SBF2: variants seen among roughly 807,000 people sequenced by gnomAD.
SBF2 encodes SET binding factor 2.
A neutral mutation model predicts 225.2 loss-of-function variants in SBF2; 112 were observed. The ratio of observed to expected loss-of-function variants is 0.50; its 90% CI spans 0.43 to 0.58. The LOEUF is 0.58. Ranked by LOEUF, SBF2 falls within the 20% of genes least tolerant of loss-of-function variation. The pLI, the probability that SBF2 is intolerant of heterozygous loss-of-function variation, is 0.00. For missense variants in SBF2, 1,996 were observed against 2,206.2 expected (o/e 0.90, Z 1.91); for synonymous variants, 763 against 773.3 (o/e 0.99, Z 0.22).
chr11:10,134,041 G>A (rs912600875), intron 2 of SBF2, among the ~76,000 whole-genome samples: 17 of 152,260 alleles, frequency 1.1e-4, no homozygotes, highest in East Asian at 3.9e-4. Flanking sequence ...ACCTGAGACC[G>A]GGCAATTTAC....
At chr11:10,234,445 C>T (rs1591277813) in intron 1 of SBF2, among the ~76,000 whole-genome samples, 3 of 152,028 alleles carry the variant, frequency 2.0e-5, no homozygotes, top group Non-Finnish European at 4.4e-5. Context: ...TGTTTTATAA[C>T]CATATCAATT....
chr11:10,112,045 A>T (rs373636399), intron 2 of SBF2, among the ~76,000 whole-genome samples: 1 of 152,254 alleles, frequency 6.6e-6, no homozygotes, highest in Non-Finnish European at 1.5e-5. Flanking sequence ...AGAAAGATGT[A>T]GTCTCTAATT....
intron 33 of SBF2, among the ~76,000 whole-genome samples, chr11:9,791,912 T>G (rs1453531041): frequency 1.3e-5 from 2 of 152,222 alleles, no homozygotes; most frequent in Non-Finnish European, 2.9e-5. Flanking sequence ...TGTAACATCT[T>G]GTAATTGGAA....
intron 16 of SBF2, among the ~76,000 whole-genome samples, chr11:9,922,699 T>C (rs1223798401): frequency 6.6e-6 from 1 of 152,244 alleles, no homozygotes; most frequent in African/African-American, 2.4e-5. Flanking sequence ...CATACCCTTG[T>C]AACTGAGCAC....
chr11:10,120,011 G>A (rs11042633), intron 2 of SBF2, among the ~76,000 whole-genome samples: 32,672 of 152,012 alleles, frequency 0.21, 3,940 homozygotes, highest in East Asian at 0.47. Flanking sequence ...TTAACTATGT[G>A]TACACTGTTG....
In SBF2 at chr11:10,282,272, G is replaced by C. The variant is rs1239668868; in HGVS notation, c.55+11743C>G. Among the ~76,000 whole-genome samples the C allele has an allele frequency of 2.0e-5, 3 of 152,072 alleles. No individual in the cohort carries two copies. The East Asian group carries it at 5.8e-4, about 29-fold the overall frequency. On this transcript the variant is annotated intron_variant, in intron 1 of 39. Transcript: ENST00000256190. Reference sequence around the variant, plus strand: ...ACTACTCCTATTTAGTTTCCAGGCTGCCACTGCTTTATCTACCTTTTGAAT... The same window carrying C: ...ACTACTCCTATTTAGTTTCCAGGCTCCCACTGCTTTATCTACCTTTTGAAT...
At chr11:10,183,453 A>T (rs1188581443) in intron 2 of SBF2, among the ~76,000 whole-genome samples, 1 of 152,242 alleles carries the variant, frequency 6.6e-6, no homozygotes, top group Admixed American at 6.5e-5. Context: ...GAGAAACTTT[A>T]ATCAGTCACG....
At chr11:9,845,840 A>G (rs1370488541) in intron 23 of SBF2, 100 bp from the exon 24 acceptor site, 2 of 1,067,778 alleles carry the variant, frequency 1.9e-6, no homozygotes, top group Non-Finnish European at 2.9e-6. Context: ...GCAAGACTGG[A>G]GGTCAAAGGG....
intron 2 of SBF2, among the ~76,000 whole-genome samples, chr11:10,169,017 G>A (rs1448482597): frequency 6.6e-6 from 1 of 152,062 alleles, no homozygotes; most frequent in East Asian, 1.9e-4. Context: ...AAATACTGAA[G>A]CTGTTAGTAC....
chr11:10,171,235 T>G (rs940251175), intron 2 of SBF2, among the ~76,000 whole-genome samples: 2 of 152,200 alleles, frequency 1.3e-5, no homozygotes, highest in Non-Finnish European at 2.9e-5. Flanking sequence ...GAGGAAAGGC[T>G]TTCAGTTTTC....
rs775833259 is a variant in SBF2 at position 10,002,663 on chromosome 11, A to C, written c.646T>G (p.Cys216Gly). 6.2e-7 allele frequency: 1 copy of C among 1,613,562 alleles called. No individual in the cohort carries two copies. The highest frequency in any genetic ancestry group is 8.5e-7 in the Non-Finnish European group (1 of 1,179,516). Residue 216 changes from cysteine to glycine, a missense_variant, in exon 7 of 40, where the codon TGT (cysteine) becomes GGT (glycine). By Grantham distance (159) the Cys-to-Gly change is radical. Coordinates refer to ENST00000256190, the MANE Select transcript of SBF2 (RefSeq NM_030962.4). ...LGIQNVLSLF[C>G]AVLTENKVLF... ...ACCTTATTTTCTGTGAGGACTGCACAAAAGAGGCTGAGGACATTTTGAATT... is the reference window on the plus strand; with the variant it reads ...ACCTTATTTTCTGTGAGGACTGCACCAAAGAGGCTGAGGACATTTTGAATT...
intron 16 of SBF2, among the ~76,000 whole-genome samples, chr11:9,924,894 G>A (rs906422031): frequency 6.6e-6 from 1 of 151,800 alleles, no homozygotes; most frequent in East Asian, 1.9e-4. Flanking sequence ...GACCACAGGT[G>A]TACACCATCA....
At chr11:9,896,644 C>T (rs980836076) in intron 16 of SBF2, among the ~76,000 whole-genome samples, 1 of 151,946 alleles carries the variant, frequency 6.6e-6, no homozygotes, top group African/African-American at 2.4e-5. Flanking sequence ...ATACAAAAAG[C>T]CAGGCATGGT....
intron 2 of SBF2, among the ~76,000 whole-genome samples, chr11:10,136,100 G>A (rs1394263412): frequency 6.6e-6 from 1 of 152,156 alleles, no homozygotes; most frequent in Non-Finnish European, 1.5e-5. Context: ...GCCAACAAGA[G>A]AAGACAACTT....
intron 24 of SBF2, among the ~76,000 whole-genome samples, chr11:9,845,168 A>G (rs986297754): frequency 1.3e-5 from 2 of 152,192 alleles, no homozygotes; most frequent in African/African-American, 4.8e-5. Flanking sequence ...GAAATGTTCA[A>G]GAGTTATGAA....
At chr11:9,799,790 C>T (rs1488446530) in intron 32 of SBF2, among the ~76,000 whole-genome samples, 1 of 152,182 alleles carries the variant, frequency 6.6e-6, no homozygotes, top group African/African-American at 2.4e-5. Context: ...CTCAGTTTGT[C>T]CAGTTCACTG....
At chr11:9,984,240 A>C (rs879414101) in intron 13 of SBF2, among the ~76,000 whole-genome samples, 2 of 152,180 alleles carry the variant, frequency 1.3e-5, no homozygotes, top group Admixed American at 6.5e-5. Flanking sequence ...GAAAACAATA[A>C]AAAATTCAAG....
intron 28 of SBF2, among the ~76,000 whole-genome samples, chr11:9,825,900 GATGAAC>G (rs1855033996): frequency 6.6e-6 from 1 of 152,212 alleles, no homozygotes; most frequent in Non-Finnish European, 1.5e-5. Flanking sequence ...AACCAGTATA[GATGAAC>G]AGACTGATCT....
At chr11:10,027,487 G>A (rs1216870979) in intron 6 of SBF2, among the ~76,000 whole-genome samples, 4 of 152,138 alleles carry the variant, frequency 2.6e-5, no homozygotes, top group African/African-American at 9.7e-5. Flanking sequence ...GGAAGCAAGA[G>A]GGTAGAATTT....
Sources: allele counts gnomAD v4.1 joint callset (sites outside exome capture counted in the v4.1 genomes callset), GRCh38; gene constraint gnomAD v4.1.1; transcripts MANE v1.5; gene names NCBI Gene and HGNC (gene_info 2026-07-23, HGNC 2026-07-21).